The following PLPPR5 variants were observed in gnomAD, a reference collection of about 807,000 sequenced individuals.
PLPPR5 encodes phospholipid phosphatase related 5.
PLPPR5 carries 16 observed loss-of-function variants against 33.9 expected under a neutral mutation model. The observed-to-expected ratio is 0.47, with a 90% CI of 0.32 to 0.72. PLPPR5 has a LOEUF of 0.72. Among genes scored for constraint, PLPPR5 ranks in the 30% least tolerant of loss-of-function variants. The pLI, the probability that PLPPR5 is intolerant of heterozygous loss-of-function variation, is 0.03. For missense variants in PLPPR5, 301 were observed against 406.7 expected (o/e 0.74, Z 2.23); for synonymous variants, 163 against 150.3 (o/e 1.08, Z -0.62).
At chr1:98,927,957 A>T (rs1392449626) in intron 3 of PLPPR5, among the ~76,000 whole-genome samples, 1 of 151,926 alleles carries the variant, frequency 6.6e-6, no homozygotes, top group African/African-American at 2.4e-5. Flanking sequence ...CTCATAATAA[A>T]ATATTCAGAT....
Position 98,958,396 on chromosome 1 carries a change from TC to T in PLPPR5, c.238-1656del, listed in dbSNP as rs67078835. On this transcript the variant is annotated intron_variant, in intron 1 of 5. Coordinates refer to ENST00000263177, the MANE Select transcript of PLPPR5 (RefSeq NM_001037317.2). Reference sequence around the variant, plus strand: ...CTTCTTTCTACCCCCTTTTCCTCTTTCTTTTTTTAACTATACTTTTTTTTCA... The same window carrying T: ...CTTCTTTCTACCCCCTTTTCCTCTTTTTTTTTTAACTATACTTTTTTTTCA... 3.2e-4 allele frequency among the ~76,000 whole-genome samples: 49 copies of T among 151,752 alleles called. 1 individual carries two copies. The highest frequency in any genetic ancestry group is 8.7e-4 in the African/African-American group (36 of 41,464).
intron 1 of PLPPR5, among the ~76,000 whole-genome samples, chr1:98,989,490 G>T (rs1652375682): frequency 6.6e-6 from 1 of 152,142 alleles, no homozygotes; most frequent in Non-Finnish European, 1.5e-5. Flanking sequence ...AACAGTAACA[G>T]AGTTGTGGTA....
chr1:98,928,572 T>TATATATATATATATATATATATA (rs1649849553), intron 3 of PLPPR5, among the ~76,000 whole-genome samples: 3 of 141,692 alleles, frequency 2.1e-5, no homozygotes, highest in Non-Finnish European at 3.1e-5. Context: ...TATATATATA[T>TATATATATATATATATATATATA]GGTTCACTTT....
intron 5 of PLPPR5, among the ~76,000 whole-genome samples, chr1:98,911,939 A>G (rs554103064): frequency 1.9e-4 from 29 of 152,022 alleles, no homozygotes; most frequent in African/African-American, 6.8e-4. Context: ...TTTATTTTGT[A>G]TTTTTTGTAG....
chr1:98,892,701 G>A lies in PLPPR5; in HGVS notation c.*371C>T, dbSNP rs1204798418. 1 of 180,846 alleles carries A rather than the reference G, an allele frequency of 5.5e-6. No homozygotes were observed. The highest frequency in any genetic ancestry group is 1.6e-4 in the East Asian group (1 of 6,206). 11.2% of individuals were successfully genotyped at this position (180,846 alleles called of 1,614,324 possible). On this transcript the variant is annotated 3_prime_UTR_variant, in exon 6 of 6. Coordinates refer to ENST00000263177, the MANE Select transcript of PLPPR5 (RefSeq NM_001037317.2). ...TTAAAAAAATAACTAGCCCAAAATA[G>A]AAGGTTTTCATACACAAATACGATT...
At chr1:98,996,564 A>G (rs887723100) in intron 1 of PLPPR5, among the ~76,000 whole-genome samples, 2 of 152,096 alleles carry the variant, frequency 1.3e-5, no homozygotes, top group Non-Finnish European at 2.9e-5. Context: ...CATATGTTAA[A>G]ATATCTTTCA....
At chr1:98,903,085 G>A (rs1323614440) in intron 5 of PLPPR5, among the ~76,000 whole-genome samples, 1 of 152,014 alleles carries the variant, frequency 6.6e-6, no homozygotes, top group African/African-American at 2.4e-5. Flanking sequence ...AAATGTTGAT[G>A]CCTGTTGGAA....
chr1:98,913,556 TGAA>T (rs1649232860), intron 5 of PLPPR5, among the ~76,000 whole-genome samples: 1 of 152,248 alleles, frequency 6.6e-6, no homozygotes, highest in Non-Finnish European at 1.5e-5. Flanking sequence ...ACTTTACACG[TGAA>T]GTTTTTAAAA....
intron 3 of PLPPR5, among the ~76,000 whole-genome samples, chr1:98,950,014 C>A (rs921381562): frequency 2.0e-5 from 3 of 152,198 alleles, no homozygotes; most frequent in African/African-American, 7.2e-5. Flanking sequence ...CATCTGCACC[C>A]TTGGCTTTAC....
At chr1:98,914,111 A>G (rs1423129114) in intron 5 of PLPPR5, among the ~76,000 whole-genome samples, 10 of 152,206 alleles carry the variant, frequency 6.6e-5, no homozygotes, top group African/African-American at 2.4e-4. Flanking sequence ...ATATAAATGG[A>G]GCATGGAAGA....
At chr1:98,915,615 G>T (rs1285689242) in intron 4 of PLPPR5, among the ~76,000 whole-genome samples, 1 of 151,438 alleles carries the variant, frequency 6.6e-6, no homozygotes, top group Non-Finnish European at 1.5e-5. Context: ...TAAAAAAAAA[G>T]AAAAGAAAAT....
Position 99,001,671 on chromosome 1 carries a change from GATATATATATAT to G in PLPPR5, c.237+2752_237+2763del, listed in dbSNP as rs55722150. On this transcript the variant is annotated intron_variant, in intron 1 of 5. Coordinates refer to ENST00000263177, the MANE Select transcript of PLPPR5 (RefSeq NM_001037317.2). ...ACTAGAAATGAGTTTGAAAGTTAAAGATATATATATATATATATATATATATATATATATGAA... is the reference window on the plus strand; with the variant it reads ...ACTAGAAATGAGTTTGAAAGTTAAAGATATATATATATATATATATATGAA... Among the ~76,000 whole-genome samples, 104 of 102,192 alleles carry G rather than the reference GATATATATATAT, an allele frequency of 1.0e-3. 2 individuals are homozygous for G. The South Asian group carries it at 0.025, about 25-fold the overall frequency. The allele number at this position is 102,192 out of a possible 152,430, so 67.0% of individuals were successfully genotyped here.
intron 3 of PLPPR5, among the ~76,000 whole-genome samples, chr1:98,943,530 A>C (rs2101195814): frequency 6.6e-6 from 1 of 152,364 alleles, no homozygotes; most frequent in Non-Finnish European, 1.5e-5. Flanking sequence ...AGTCTGGCTG[A>C]AAGTGGATCT....
At chr1:98,982,433 A>G (rs1205477548) in intron 1 of PLPPR5, among the ~76,000 whole-genome samples, 2 of 152,074 alleles carry the variant, frequency 1.3e-5, no homozygotes, top group Non-Finnish European at 2.9e-5. Context: ...TTAATGGCCA[A>G]TTCCTCAAAC....
At chr1:98,939,468 T>C (rs1489130654) in intron 3 of PLPPR5, among the ~76,000 whole-genome samples, 1 of 151,916 alleles carries the variant, frequency 6.6e-6, no homozygotes, top group African/African-American at 2.4e-5. Context: ...ATCTAACCCC[T>C]TTCTTGTGAT....
intron 1 of PLPPR5, among the ~76,000 whole-genome samples, chr1:98,995,298 T>C (rs896321347): frequency 6.6e-6 from 1 of 151,948 alleles, no homozygotes; most frequent in Non-Finnish European, 1.5e-5. Flanking sequence ...CAATAGACAC[T>C]GGGGCCTACT....
At chr1:98,975,495 G>C (rs963703021) in intron 1 of PLPPR5, among the ~76,000 whole-genome samples, 1 of 152,048 alleles carries the variant, frequency 6.6e-6, no homozygotes. Context: ...AATATTTGTT[G>C]CCAATATTTG....
At chr1:98,903,033 T>C (rs1276981963) in intron 5 of PLPPR5, among the ~76,000 whole-genome samples, 1 of 152,094 alleles carries the variant, frequency 6.6e-6, no homozygotes, top group East Asian at 1.9e-4. Context: ...GAAAATGACA[T>C]ATGGCAAAAT....
chr1:98,963,569 G>A (rs1485392314), intron 1 of PLPPR5, among the ~76,000 whole-genome samples: 3 of 152,120 alleles, frequency 2.0e-5, no homozygotes, highest in African/African-American at 7.2e-5. Flanking sequence ...CATGGTAACC[G>A]GCACAGCCAG....
Sources: gnomAD v4.1 joint callset for allele counts (sites outside exome capture counted in the v4.1 genomes callset) on GRCh38, gnomAD v4.1.1 for gene constraint, MANE v1.5 for transcripts, NCBI Gene and HGNC (gene_info 2026-07-23, HGNC 2026-07-21) for gene names.